Variants in DPP6 observed in about 807,000 individuals in gnomAD.
DPP6 encodes the protein dipeptidyl peptidase like 6, also known as A-type potassium channel modulatory protein DPP6.
DPP6 carries 69 observed loss-of-function variants against 122.6 expected under a neutral mutation model. The observed-to-expected ratio is 0.56, with a 90% CI of 0.46 to 0.69. DPP6 has a LOEUF of 0.69. Among genes scored for constraint, DPP6 ranks in the 30% least tolerant of loss-of-function variants. The pLI is 0.00. For missense variants in DPP6, 928 were observed against 1,116.9 expected, an observed-to-expected ratio of 0.83 and a Z score of 2.41; for synonymous variants, 418 against 433.1, an observed-to-expected ratio of 0.97 and a Z score of 0.43.
At position 154,052,947 on chromosome 7, in the gene DPP6, C is replaced by T; in HGVS notation, c.127C>T (p.Pro43Ser). The T allele has an allele frequency of 8.1e-7, 1 of 1,236,032 alleles. No individual in the cohort carries two copies. 76.6% of individuals were successfully genotyped at this position (1,236,032 alleles called of 1,614,324 possible). Residue 43 changes from proline (P) to serine (S), a missense_variant, in exon 1 of 26, where the codon CCC becomes TCC. Coordinates refer to ENST00000377770, the MANE Select transcript of DPP6 (RefSeq NM_130797.4). The surrounding 1 kb of genome is among the most constrained non-coding windows in gnomAD (Gnocchi z 4.8). ...PEEDGGAGAK[P>S]LGPRAQAAAP... ...GGAGGACGGCGGCGCAGGAGCCAAG[C>T]CCCTCGGCCCGCGGGCGCAGGCGGC...
chr7:154,401,169 C>A (rs1258864039), intron 1 of DPP6, among the ~76,000 whole-genome samples: 2 of 151,322 alleles, frequency 1.3e-5, no homozygotes, highest in African/African-American at 4.9e-5. Flanking sequence ...TGCACTACAG[C>A]CTGGGTGATA....
intron 5 of DPP6, among the ~76,000 whole-genome samples, chr7:154,575,743 G>A: frequency 6.7e-6 from 1 of 149,326 alleles, no homozygotes; most frequent in Non-Finnish European, 1.5e-5. Context: ...ATGTGTATGT[G>A]TGTGTGGTGT....
At chr7:154,577,337 G>A (rs942000507) in intron 5 of DPP6, among the ~76,000 whole-genome samples, 1 of 152,216 alleles carries the variant, frequency 6.6e-6, no homozygotes, top group African/African-American at 2.4e-5. Flanking sequence ...AGCCAGGCCT[G>A]TGCAGGTGGG....
chr7:154,238,943 A>G (rs1287743673), intron 1 of DPP6, among the ~76,000 whole-genome samples: 2 of 152,238 alleles, frequency 1.3e-5, no homozygotes, highest in Non-Finnish European at 2.9e-5. Flanking sequence ...CTTTGATTTG[A>G]GCAACACAAA....
At chr7:154,269,767 T>C (rs554732496) in intron 1 of DPP6, among the ~76,000 whole-genome samples, 1 of 152,304 alleles carries the variant, frequency 6.6e-6, no homozygotes, top group South Asian at 2.1e-4. Flanking sequence ...TTCCCCAAAA[T>C]AATGAAACTG....
chr7:154,509,247 A>ATATCCAGAC (rs1825879031), intron 3 of DPP6, among the ~76,000 whole-genome samples: 1 of 152,252 alleles, frequency 6.6e-6, no homozygotes, highest in South Asian at 2.1e-4. Context: ...TGAGGAACTT[A>ATATCCAGAC]TATCCAGACT....
intron 1 of DPP6, among the ~76,000 whole-genome samples, chr7:154,328,115 A>G (rs796757245): frequency 7.9e-5 from 12 of 152,320 alleles, no homozygotes; most frequent in African/African-American, 2.6e-4. Flanking sequence ...CAGAACTCCA[A>G]TAGCCAGAGA....
At chr7:154,379,818 A>G (rs1300475808) in intron 1 of DPP6, among the ~76,000 whole-genome samples, 1 of 152,226 alleles carries the variant, frequency 6.6e-6, no homozygotes, top group Non-Finnish European at 1.5e-5. Context: ...AACTTAAGCC[A>G]ATAGCCAAAC....
At chr7:154,255,161 G>T (rs747266283) in intron 1 of DPP6, among the ~76,000 whole-genome samples, 3 of 152,134 alleles carry the variant, frequency 2.0e-5, no homozygotes, top group African/African-American at 7.2e-5. Context: ...TACAGGGTCC[G>T]TCCGAGGGGT....
chr7:154,432,056 G>C (rs1339809821), intron 1 of DPP6, among the ~76,000 whole-genome samples: 2 of 152,116 alleles, frequency 1.3e-5, no homozygotes, highest in Non-Finnish European at 2.9e-5. Flanking sequence ...TGGGGGTAAC[G>C]GTAAGGAGGT....
intron 10 of DPP6, among the ~76,000 whole-genome samples, chr7:154,793,067 G>A (rs1296825503): frequency 6.6e-6 from 1 of 152,198 alleles, no homozygotes; most frequent in Non-Finnish European, 1.5e-5. Flanking sequence ...GGCTATAGTC[G>A]TTTCTGTTAA....
intron 1 of DPP6, among the ~76,000 whole-genome samples, chr7:154,430,108 G>C (rs1818237375): frequency 6.6e-6 from 1 of 152,208 alleles, no homozygotes; most frequent in East Asian, 1.9e-4. Flanking sequence ...GTTTGGCACT[G>C]TTGCGCTCGC....
intron 1 of DPP6, chr7:154,092,835 AC>A (rs1804959095): frequency 6.6e-6 from 1 of 151,976 alleles, no homozygotes; most frequent in East Asian, 1.9e-4. Context: ...GATGATTCTT[AC>A]CCGAGTCAAG....
chr7:153,964,543 A>G (rs1306812898), intron 1 of DPP6, among the ~76,000 whole-genome samples: 1 of 152,132 alleles, frequency 6.6e-6, no homozygotes, highest in Admixed American at 6.5e-5. Context: ...CCTGGCTCCA[A>G]ACCCCAAGTC....
chr7:154,782,843 G>A (rs1048042649), intron 10 of DPP6, among the ~76,000 whole-genome samples: 1 of 151,928 alleles, frequency 6.6e-6, no homozygotes, highest in Non-Finnish European at 1.5e-5. Flanking sequence ...GAGTGCAGTG[G>A]CATGATCTCG....
intron 1 of DPP6, among the ~76,000 whole-genome samples, chr7:154,293,538 A>G (rs1353016956): frequency 6.6e-6 from 1 of 152,186 alleles, no homozygotes; most frequent in Non-Finnish European, 1.5e-5. Context: ...AGCCTAGGAA[A>G]GGTTACTCTA....
chr7:154,257,136 A>G (rs960129344), intron 1 of DPP6, among the ~76,000 whole-genome samples: 17 of 151,474 alleles, frequency 1.1e-4, no homozygotes, highest in African/African-American at 3.6e-4. Flanking sequence ...AGCATGTGCC[A>G]CTATGCCCAG....
intron 1 of DPP6, among the ~76,000 whole-genome samples, chr7:154,016,037 G>A (rs1334548801): frequency 2.0e-5 from 3 of 152,016 alleles, no homozygotes; most frequent in Middle Eastern, 3.2e-3. Context: ...TCTATTCCTC[G>A]AATATATCAC....
At chr7:154,683,075 T>A (rs983976913) in intron 7 of DPP6, among the ~76,000 whole-genome samples, 3 of 152,244 alleles carry the variant, frequency 2.0e-5, no homozygotes, top group East Asian at 1.9e-4. Context: ...TTCTGTTTGT[T>A]CTTCAGTTTG....
Sources: gnomAD v4.1 joint callset for allele counts (sites outside exome capture counted in the v4.1 genomes callset) on GRCh38, gnomAD v4.1.1 for gene constraint, Gnocchi (gnomAD v3.1) non-coding constraint, MANE v1.5 for transcripts, NCBI Gene and HGNC (gene_info 2026-07-23, HGNC 2026-07-21) for gene names.